Variants in CACNA1B observed in about 807,000 individuals in gnomAD.
CACNA1B encodes calcium voltage-gated channel subunit alpha1 B.
A neutral mutation model predicts 247.2 loss-of-function variants in CACNA1B; 70 were observed. The observed-to-expected ratio is 0.28, with a 90% CI of 0.23 to 0.35. The LOEUF is 0.35. Among genes scored for constraint, CACNA1B ranks in the 10% least tolerant of loss-of-function variants. CACNA1B has a pLI of 1.00. For synonymous variants in CACNA1B, 1,231 were observed against 1,294.4 expected, an observed-to-expected ratio of 0.95 and a Z score of 1.05; for missense variants, 2,367 against 3,197.4, an observed-to-expected ratio of 0.74 and a Z score of 6.26.
rs200235820 is a variant in CACNA1B at position 138,057,807 on chromosome 9, C to T, written c.4044C>T (p.Tyr1348=). Residue 1348 remains tyrosine, a synonymous_variant, in exon 27 of 47, where the codon TAC becomes TAT. Coordinates refer to ENST00000371372, the MANE Select transcript of CACNA1B (RefSeq NM_000718.4). The surrounding 1 kb of genome is among the most constrained non-coding windows in gnomAD (Gnocchi z 4.0). ...PRQWKKYDFH[Y]DNVLWALLTL... is the part of the protein sequence containing the mutation. ...AGTGGAAGAAATACGACTTTCACTA[C>T]GACAATGTGCTCTGGGCTCTGCTGA... The T allele has an allele frequency of 2.5e-4, 402 of 1,612,846 alleles. No individual in the cohort carries two copies. The highest frequency in any genetic ancestry group is 3.2e-4 in the Non-Finnish European group (374 of 1,179,250).
chr9:137,905,656 C>A (rs1411561695), intron 3 of CACNA1B, among the ~76,000 whole-genome samples: 3 of 152,152 alleles, frequency 2.0e-5, no homozygotes, highest in Admixed American at 6.5e-5. Context: ...CAATCAGTTC[C>A]ATTGTATATT....
chr9:138,110,629 G>A (rs912321268), intron 39 of CACNA1B, among the ~76,000 whole-genome samples: 2 of 152,136 alleles, frequency 1.3e-5, no homozygotes, highest in Non-Finnish European at 2.9e-5. Context: ...CTACTCAGGA[G>A]GCTACGGCGG....
At chr9:138,044,741 C>T (rs1959169306) in intron 21 of CACNA1B, among the ~76,000 whole-genome samples, 1 of 152,202 alleles carries the variant, frequency 6.6e-6, no homozygotes, top group Non-Finnish European at 1.5e-5. Context: ...ATGGACGTAC[C>T]CCTGTTCGTT....
intron 42 of CACNA1B, among the ~76,000 whole-genome samples, chr9:138,117,292 G>GGA (rs1554761377): frequency 4.6e-5 from 7 of 151,926 alleles, no homozygotes; most frequent in Non-Finnish European, 7.4e-5. Flanking sequence ...CTTGGGGGGG[G>GGA]GGTCAGAGAA....
chr9:138,043,752 C>T (rs577916644), intron 20 of CACNA1B, 22 bp from the exon 21 acceptor site: 21 of 1,613,590 alleles, frequency 1.3e-5, no homozygotes, highest in South Asian at 1.2e-4. Flanking sequence ...ACCCCTTACT[C>T]GGGGGCCCTG....
Position 138,023,817 on chromosome 9 carries a change from T to G in CACNA1B, c.3068+6T>G. Reference sequence around the variant, plus strand: ...CTCCGGAACCACCAGCCCCGGTGAGTCCGCGGCTGGGCGGGGTCAGGGAGG... The same window carrying G: ...CTCCGGAACCACCAGCCCCGGTGAGGCCGCGGCTGGGCGGGGTCAGGGAGG... On this transcript the variant is annotated splice_donor_region_variant and intron_variant, in intron 19 of 46. Transcript: ENST00000371372. The G allele has an allele frequency of 7.7e-7, 1 of 1,305,196 alleles. No individual in the cohort carries two copies. Among genetic ancestry groups the G allele is most frequent in the African/African-American group, 1.5e-5 (1 of 67,992 alleles). 80.9% of individuals were successfully genotyped at this position (1,305,196 alleles called of 1,614,324 possible). A position where few individuals can be genotyped will look rare whatever the true frequency, so the allele number is the denominator to read the frequency against.
chr9:138,122,182 A>T lies in CACNA1B; in HGVS notation c.*183A>T. 1.6e-6 allele frequency: 1 copy of T among 606,852 alleles called. No individual in the cohort carries two copies. Among genetic ancestry groups the T allele is most frequent in the East Asian group, 2.8e-5 (1 of 36,246 alleles). 37.6% of individuals were successfully genotyped at this position (606,852 alleles called of 1,614,324 possible). ...TAGACGACGAATAAAGCCCTGTTAG[A>T]GGATGCGGCTCTCTCTGTCCCCTTC... On this transcript the variant is annotated 3_prime_UTR_variant, in exon 47 of 47. Transcript: ENST00000371372.
chr9:138,075,945 T>C, intron 35 of CACNA1B, 35 bp downstream of exon 35: 1 of 1,386,546 alleles, frequency 7.2e-7, no homozygotes, highest in Non-Finnish European at 1.0e-6. Context: ...CAATGTCTGC[T>C]CTTCCGTCGG....
At chr9:137,908,510 C>T (rs1306150613) in intron 3 of CACNA1B, among the ~76,000 whole-genome samples, 4 of 151,528 alleles carry the variant, frequency 2.6e-5, no homozygotes, top group Admixed American at 6.6e-5. Flanking sequence ...AGTGAGACTC[C>T]GTCTCAAAAG....
Position 137,950,242 on chromosome 9 carries a change from T to C in CACNA1B, c.967-2032T>C, listed in dbSNP as rs1408982897. 6.6e-6 allele frequency among the ~76,000 whole-genome samples: 1 copy of C among 152,334 alleles called. No homozygotes were observed. Among genetic ancestry groups the C allele is most frequent in the South Asian group, 2.1e-4 (1 of 4,828 alleles). The stretch of plus-strand genomic sequence containing the variant: ...TGGGAGGGTTAGAGGTGCCTTGTTC[T>C]TGTTCTCCACGTGATTTCTGCACAC... On this transcript the variant is annotated intron_variant, in intron 6 of 46. Transcript: ENST00000371372. The surrounding 1 kb of genome is among the most constrained non-coding windows in gnomAD (Gnocchi z 4.8).
intron 26 of CACNA1B, among the ~76,000 whole-genome samples, chr9:138,055,868 T>C (rs1959476237): frequency 6.6e-6 from 1 of 151,998 alleles, no homozygotes; most frequent in South Asian, 2.1e-4. Flanking sequence ...CTACTAAAAC[T>C]ACAAAAAATT....
chr9:138,083,024 C>T (rs189611075), intron 36 of CACNA1B, among the ~76,000 whole-genome samples: 1 of 150,424 alleles, frequency 6.6e-6, no homozygotes, highest in Admixed American at 6.6e-5. Context: ...GCCCCCATCA[C>T]CATCTCGGAC....
intron 36 of CACNA1B, among the ~76,000 whole-genome samples, chr9:138,094,995 A>C (rs1961010404): frequency 6.6e-6 from 1 of 152,242 alleles, no homozygotes; most frequent in Non-Finnish European, 1.5e-5. Context: ...AATAGCAAAA[A>C]TTATGAAACT....
rs142705777 is a variant in CACNA1B at position 138,102,021 on chromosome 9, C to T, written c.5223-690C>T. Reference sequence around the variant, plus strand: ...GGCCATGTCCTGCCAGCTCCTCCCCCCTCCCGCAGTCTCCCATTTCCCACC... The same window carrying T: ...GGCCATGTCCTGCCAGCTCCTCCCCTCTCCCGCAGTCTCCCATTTCCCACC... On this transcript the variant is annotated intron_variant, in intron 37 of 46. Transcript: ENST00000371372. This position sits in a 1 kb window ranked among gnomAD's most constrained non-coding sequence, Gnocchi z 5.4. 6.6e-6 allele frequency among the ~76,000 whole-genome samples: 1 copy of T among 152,210 alleles called. No individual in the cohort carries two copies. Among genetic ancestry groups the T allele is most frequent in the Non-Finnish European group, 1.5e-5 (1 of 68,032 alleles).
At chr9:137,942,879 A>G (rs1353411065) in intron 6 of CACNA1B, among the ~76,000 whole-genome samples, 1 of 152,182 alleles carries the variant, frequency 6.6e-6, no homozygotes, top group African/African-American at 2.4e-5. Flanking sequence ...TGCTTGGGTG[A>G]TAGGTGCACG....
chr9:138,088,687 G>T (rs1009352665), intron 36 of CACNA1B, among the ~76,000 whole-genome samples: 2 of 151,974 alleles, frequency 1.3e-5, no homozygotes, highest in East Asian at 3.9e-4. Context: ...GGGCATGGTG[G>T]CTTACGTTTG....
chr9:138,055,268 T>C (rs1959453750), intron 26 of CACNA1B, among the ~76,000 whole-genome samples: 1 of 151,828 alleles, frequency 6.6e-6, no homozygotes, highest in Non-Finnish European at 1.5e-5. Context: ...CTTAGACAAC[T>C]ACAGGCACGT....
chr9:138,120,174 G>A lies in CACNA1B; in HGVS notation c.6040G>A (p.Asp2014Asn). The A allele has an allele frequency of 6.2e-7, 1 of 1,602,700 alleles. No homozygotes were observed. Among genetic ancestry groups the A allele is most frequent in the African/African-American group, 1.3e-5 (1 of 74,540 alleles). ...RLAAETQPVT[D>N]ASPMKRSIST... The stretch of plus-strand genomic sequence containing the variant: ...AGTCCTTTGCCCACAGCCCGTCACA[G>A]ATGCCAGCCCCATGAAGCGCTCCAT... Residue 2014 changes from aspartate (D) to asparagine (N), a missense_variant, in exon 45 of 47, where the codon GAT becomes AAT. By Grantham distance (23) the Asp-to-Asn change is conservative. Transcript: ENST00000371372.
rs757649366 is a variant in CACNA1B, at chr9:137,891,829, G to A, written c.530+8946G>A. ...GCATCTCTACTCCAGCCAGACGGAC[G>A]CTAACGCAGATTCATTCCTAGCAGG... On this transcript the variant is annotated intron_variant, in intron 3 of 46. Coordinates refer to ENST00000371372, the MANE Select transcript of CACNA1B (RefSeq NM_000718.4). This position sits in a 1 kb window ranked among gnomAD's most constrained non-coding sequence, Gnocchi z 4.3. The A allele has an allele frequency of 8.4e-6, 3 of 356,072 alleles. No individual in the cohort carries two copies. The highest frequency in any genetic ancestry group is 3.8e-5 in the Admixed American group (1 of 26,384). The allele number at this position is 356,072 out of a possible 1,614,324, so 22.1% of individuals were successfully genotyped here.
Sources: allele counts gnomAD v4.1 joint callset (sites outside exome capture counted in the v4.1 genomes callset), GRCh38; gene constraint gnomAD v4.1.1; non-coding constraint Gnocchi (gnomAD v3.1); transcripts MANE v1.5; gene names NCBI Gene and HGNC (gene_info 2026-07-23, HGNC 2026-07-21).